The following AUTS2 variants were observed in gnomAD, a reference collection of about 807,000 sequenced individuals.
AUTS2 encodes activator of transcription and developmental regulator AUTS2, also known as autism susceptibility gene 2 protein.
AUTS2 carries 17 observed loss-of-function variants against 112.4 expected under a neutral mutation model. The ratio of observed to expected loss-of-function variants is 0.15; its 90% CI spans 0.10 to 0.23. The LOEUF is 0.23. Among genes scored for constraint, AUTS2 ranks in the 10% least tolerant of loss-of-function variants. The pLI, the probability that AUTS2 is intolerant of heterozygous loss-of-function variation, is 1.00. For synonymous variants in AUTS2, 751 were observed against 702.7 expected, an observed-to-expected ratio of 1.07 and a Z score of -1.09; for missense variants, 1,510 against 1,701.6, an observed-to-expected ratio of 0.89 and a Z score of 1.98.
At chr7:69,655,650 C>T (rs890680030) in intron 1 of AUTS2, among the ~76,000 whole-genome samples, 4 of 152,006 alleles carry the variant, frequency 2.6e-5, no homozygotes, top group African/African-American at 9.7e-5. Flanking sequence ...AAGTGGAGTC[C>T]CCTCTTGGCC....
chr7:70,725,633 C>T (rs1786983878), intron 6 of AUTS2, among the ~76,000 whole-genome samples: 1 of 152,150 alleles, frequency 6.6e-6, no homozygotes, highest in Non-Finnish European at 1.5e-5. Context: ...GCACATTTGC[C>T]TGCAGGGATT....
chr7:70,541,540 A>C (rs972672672), intron 5 of AUTS2, among the ~76,000 whole-genome samples: 2 of 152,238 alleles, frequency 1.3e-5, no homozygotes, highest in African/African-American at 4.8e-5. Context: ...GTCTGCAAAG[A>C]TATGTTGGAT....
chr7:69,771,671 A>G (rs1788668571), intron 1 of AUTS2, among the ~76,000 whole-genome samples: 1 of 152,130 alleles, frequency 6.6e-6, no homozygotes, highest in Admixed American at 6.5e-5. Flanking sequence ...AATAAGGCAG[A>G]TTACTGGGGC....
intron 1 of AUTS2, among the ~76,000 whole-genome samples, chr7:69,750,858 T>C (rs995361724): frequency 1.3e-5 from 2 of 152,120 alleles, no homozygotes; most frequent in African/African-American, 4.8e-5. Context: ...CTTACTGAAA[T>C]TAGGGGAGTG....
At position 70,790,690 on chromosome 7, in the gene AUTS2, C is replaced by T; in HGVS notation, c.3474C>T (p.Leu1158=). 6.2e-7 allele frequency: 1 copy of T among 1,613,726 alleles called. No individual in the cohort carries two copies. The highest frequency in any genetic ancestry group is 8.5e-7 in the Non-Finnish European group (1 of 1,179,962). ...ACGAGCGGGAGCGCTTGCACATGCT[C>T]AGAGAAGACTACGAGCACACGCGGC... ...HLDERERLHM[L]REDYEHTRLH... The change falls in exon 19 of 19, where the codon CTC becomes CTT. Residue 1158 remains leucine, a synonymous_variant. Transcript: ENST00000342771. The surrounding 1 kb of genome is among the most constrained non-coding windows in gnomAD (Gnocchi z 7.6).
At chr7:70,459,764 G>A (rs1361610021) in intron 5 of AUTS2, among the ~76,000 whole-genome samples, 2 of 152,126 alleles carry the variant, frequency 1.3e-5, no homozygotes, top group Non-Finnish European at 2.9e-5. Flanking sequence ...ATGTAGACCT[G>A]GGAGCTTCCT....
chr7:70,684,822 G>A (rs1378360957), intron 5 of AUTS2, among the ~76,000 whole-genome samples: 1 of 152,156 alleles, frequency 6.6e-6, no homozygotes, highest in Non-Finnish European at 1.5e-5. Flanking sequence ...TCTAAAATAA[G>A]GAAGAAACTC....
intron 6 of AUTS2, among the ~76,000 whole-genome samples, chr7:70,703,179 G>A (rs1208065514): frequency 6.6e-6 from 1 of 152,048 alleles, no homozygotes; most frequent in East Asian, 1.9e-4. Flanking sequence ...TACCATCAAG[G>A]TCACCATTTG....
intron 2 of AUTS2, among the ~76,000 whole-genome samples, chr7:69,936,126 C>T (rs1166434522): frequency 1.3e-5 from 2 of 152,046 alleles, no homozygotes; most frequent in Admixed American, 6.5e-5. Flanking sequence ...AGAGTGTCAC[C>T]TGTATTTTCC....
chr7:69,790,481 C>T (rs914032525), intron 1 of AUTS2, among the ~76,000 whole-genome samples: 13 of 152,176 alleles, frequency 8.5e-5, no homozygotes, highest in Non-Finnish European at 1.2e-4. Flanking sequence ...TGACTTGAAT[C>T]TTGGTAAAAT....
intron 1 of AUTS2, among the ~76,000 whole-genome samples, chr7:69,821,674 A>C (rs1791001604): frequency 6.6e-6 from 1 of 152,094 alleles, no homozygotes; most frequent in Non-Finnish European, 1.5e-5. Context: ...ACCCACCGGG[A>C]AAAACAAACA....
intron 2 of AUTS2, among the ~76,000 whole-genome samples, chr7:69,930,728 A>C (rs954741072): frequency 6.6e-6 from 1 of 151,990 alleles, no homozygotes; most frequent in Non-Finnish European, 1.5e-5. Context: ...TTCTCTTTTG[A>C]CCCAATGCCT....
chr7:70,372,301 G>C (rs900399015), intron 4 of AUTS2, among the ~76,000 whole-genome samples: 1 of 152,144 alleles, frequency 6.6e-6, no homozygotes, highest in Non-Finnish European at 1.5e-5. Flanking sequence ...TAAAATGCAG[G>C]GAAGGTCAAG....
intron 2 of AUTS2, among the ~76,000 whole-genome samples, chr7:70,071,619 A>G (rs911055558): frequency 1.3e-5 from 2 of 152,184 alleles, no homozygotes; most frequent in African/African-American, 4.8e-5. Context: ...GCTTGTTGCT[A>G]CAGGGTCTGA....
In AUTS2 at chr7:70,791,524, T is replaced by A. The variant is rs992928748; in HGVS notation, c.*528T>A. ...TCTTAAAATGTGCTATTTGCAAACT[T>A]ACTTAATATCAGTGAACACAGTCGG... is the stretch of plus-strand genomic sequence containing the variant. On this transcript the variant is annotated 3_prime_UTR_variant, in exon 19 of 19. Transcript: ENST00000342771. 8.4e-6 allele frequency: 1 copy of A among 119,224 alleles called. No homozygotes were observed. The allele number at this position is 119,224 out of a possible 1,614,324, so 7.4% of individuals were successfully genotyped here. A position where few individuals can be genotyped will look rare whatever the true frequency, so the allele number is the denominator to read the frequency against.
At chr7:70,577,405 T>TC (rs1254015125) in intron 5 of AUTS2, among the ~76,000 whole-genome samples, 2 of 152,182 alleles carry the variant, frequency 1.3e-5, no homozygotes, top group African/African-American at 4.8e-5. Context: ...TTAAAAATCC[T>TC]CCCCCCTCCC....
chr7:70,374,384 T>G (rs1356165587), intron 4 of AUTS2, among the ~76,000 whole-genome samples: 1 of 152,204 alleles, frequency 6.6e-6, no homozygotes, highest in South Asian at 2.1e-4. Context: ...TATTTTTTCT[T>G]TACCAATTGC....
intron 2 of AUTS2, among the ~76,000 whole-genome samples, chr7:70,096,242 A>C (rs1804191259): frequency 6.6e-6 from 1 of 152,180 alleles, no homozygotes; most frequent in Non-Finnish European, 1.5e-5. Flanking sequence ...AAATAATATG[A>C]ATGTATTAGA....
chr7:70,142,885 G>A (rs1021363879), intron 4 of AUTS2, among the ~76,000 whole-genome samples: 6 of 152,060 alleles, frequency 3.9e-5, no homozygotes, highest in African/African-American at 1.4e-4. Flanking sequence ...GTTGATACAA[G>A]CTATGTAAAA....
Sources: allele counts gnomAD v4.1 joint callset (sites outside exome capture counted in the v4.1 genomes callset), GRCh38; gene constraint gnomAD v4.1.1; non-coding constraint Gnocchi (gnomAD v3.1); transcripts MANE v1.5; gene names NCBI Gene and HGNC (gene_info 2026-07-23, HGNC 2026-07-21).